The following RASSF3 variants were observed in gnomAD, a reference collection of about 807,000 sequenced individuals.
RASSF3 encodes the protein Ras association domain family member 3, also known as ras association domain-containing protein 3.
A neutral mutation model predicts 19.9 loss-of-function variants in RASSF3; 19 were observed. The ratio of observed to expected loss-of-function variants is 0.96; its 90% confidence interval spans 0.67 to 1.40. RASSF3 has a LOEUF of 1.40. RASSF3 is among the 40% of genes most tolerant of loss of function. The probability of loss-of-function intolerance (pLI) is 0.00; values close to 1 mark genes in which losing one functional copy is unlikely to be tolerated. For missense variants in RASSF3, 306 were observed against 289.8 expected, an observed-to-expected ratio of 1.06 and a Z score of -0.41; for synonymous variants, 110 against 104.2, an observed-to-expected ratio of 1.06 and a Z score of -0.34.
At chr12:64,671,397 ATCT>A (rs1200169378) in intron 1 of RASSF3, among the ~76,000 whole-genome samples, 3 of 151,882 alleles carry the variant, frequency 2.0e-5, no homozygotes, top group African/African-American at 7.3e-5. Context: ...GCCTCTTGTG[ATCT>A]TCTATGCATG....
intron 2 of RASSF3, among the ~76,000 whole-genome samples, chr12:64,548,187 T>G (rs1252495914): frequency 6.6e-6 from 1 of 152,074 alleles, no homozygotes; most frequent in Non-Finnish European, 1.5e-5. Context: ...TGTATTTTAT[T>G]TATTTATTTT....
chr12:64,524,357 G>A (rs1350719781), intron 1 of RASSF3, among the ~76,000 whole-genome samples: 1 of 151,772 alleles, frequency 6.6e-6, no homozygotes, highest in African/African-American at 2.4e-5. Context: ...AAAGTGCTAC[G>A]ATTATAGGCA....
chr12:64,626,405 T>A (rs1870992676), intron 1 of RASSF3, among the ~76,000 whole-genome samples: 1 of 150,532 alleles, frequency 6.6e-6, no homozygotes, highest in Admixed American at 6.6e-5. Context: ...ATGTGCTTGC[T>A]TGAACTTAGG....
downstream of RASSF3, among the ~76,000 whole-genome samples, chr12:64,544,051 G>A (rs1008804119): frequency 6.6e-6 from 1 of 152,098 alleles, no homozygotes; most frequent in African/African-American, 2.4e-5. Flanking sequence ...AATAAAGCAG[G>A]CTGCCAGAGC....
At position 64,695,243 on chromosome 12, in the gene RASSF3, G is replaced by A. The variant is rs1455772467; in HGVS notation, c.*331G>A. 1.4e-5 allele frequency: 3 copies of A among 214,506 alleles called. No homozygotes were observed. The highest frequency in any genetic ancestry group is 2.8e-5 in the Non-Finnish European group (3 of 108,020). The allele number at this position is 214,506 out of a possible 1,614,324, so 13.3% of individuals were successfully genotyped here. ...GTTATTTTAATTATGTGATGATGCT[G>A]TTAAGCTTACAGATATGCAGTTGAT... is the stretch of plus-strand genomic sequence containing the variant. On this transcript the variant is annotated 3_prime_UTR_variant, in exon 5 of 5. Coordinates refer to ENST00000542104, the MANE Select transcript of RASSF3 (RefSeq NM_178169.4).
chr12:64,566,292 T>C (rs571867908), intron 2 of RASSF3, among the ~76,000 whole-genome samples: 1 of 152,360 alleles, frequency 6.6e-6, no homozygotes, highest in South Asian at 2.1e-4. Context: ...TTTCTGCTTT[T>C]ATTCACCAAG....
At chr12:64,556,555 C>T (rs552509048) in intron 2 of RASSF3, among the ~76,000 whole-genome samples, 1 of 152,070 alleles carries the variant, frequency 6.6e-6, no homozygotes, top group East Asian at 1.9e-4. Flanking sequence ...CTCCTTGCTC[C>T]GTCAGGCTGG....
rs1592411307 is a variant in RASSF3 at position 64,593,332 on chromosome 12, CTG to C, written c.294+51628_294+51629del. On this transcript the variant is annotated intron_variant, in intron 2 of 5. Coordinates refer to the RASSF3 transcript ENST00000637125. ...CGCTTCTGGGGTTCAAGCAATTCTCCTGCCTCAGCCTCCCAAGTAGCTGGGAC... is the reference window on the plus strand; with the variant it reads ...CGCTTCTGGGGTTCAAGCAATTCTCCCCTCAGCCTCCCAAGTAGCTGGGAC... Among the ~76,000 whole-genome samples the C allele has an allele frequency of 2.6e-5, 4 of 152,272 alleles. No homozygotes were observed. In the East Asian group the frequency reaches 7.7e-4, roughly 29 times the overall value.
At chr12:64,593,565 G>A (rs578229193) in intron 2 of RASSF3, among the ~76,000 whole-genome samples, 2 of 152,146 alleles carry the variant, frequency 1.3e-5, no homozygotes, top group African/African-American at 2.4e-5. Context: ...ATGTAAACAG[G>A]TTCTTTCAAC....
In RASSF3 at chr12:64,597,385, C is replaced by T. The variant is rs561342561; in HGVS notation, c.294+55680C>T. On this transcript the variant is annotated intron_variant, in intron 2 of 5. Coordinates refer to the RASSF3 transcript ENST00000637125. The stretch of plus-strand genomic sequence containing the variant: ...TGACCTCGTGATCCACCTGCCTCAC[C>T]CTCCCAAAATGTTGGGATTACAGGC... Among the ~76,000 whole-genome samples, 5 of 152,146 alleles carry T rather than the reference C, an allele frequency of 3.3e-5. No homozygotes were observed. In the East Asian group the frequency reaches 7.7e-4, roughly 24 times the overall value.
chr12:64,630,836 C>G (rs941773135), intron 1 of RASSF3, among the ~76,000 whole-genome samples: 6 of 152,004 alleles, frequency 3.9e-5, no homozygotes, highest in Non-Finnish European at 8.8e-5. Flanking sequence ...AGCAAGCAGC[C>G]ACTCACCAAG....
chr12:64,696,599 T>G lies in RASSF3; in HGVS notation c.*1687T>G, dbSNP rs929397621. ...GCTTCAGTTCTTTGCCCAAGTGAACTGTGCCTTTTATTGCATTTCTGTTCG... is the reference window on the plus strand; with the variant it reads ...GCTTCAGTTCTTTGCCCAAGTGAACGGTGCCTTTTATTGCATTTCTGTTCG... On this transcript the variant is annotated 3_prime_UTR_variant, in exon 5 of 5. Transcript: ENST00000542104. 6.6e-6 allele frequency: 1 copy of G among 152,380 alleles called. No homozygotes were observed. The highest frequency in any genetic ancestry group is 2.1e-4 in the South Asian group (1 of 4,824). 9.4% of individuals were successfully genotyped at this position (152,380 alleles called of 1,614,324 possible).
At chr12:64,617,935 A>G (rs1346950143) in intron 1 of RASSF3, among the ~76,000 whole-genome samples, 1 of 152,160 alleles carries the variant, frequency 6.6e-6, no homozygotes. Flanking sequence ...AAACAATCAC[A>G]TTTCCTTATT....
At chr12:64,572,819 T>C (rs1255728586) in intron 2 of RASSF3, among the ~76,000 whole-genome samples, 1 of 152,218 alleles carries the variant, frequency 6.6e-6, no homozygotes, top group East Asian at 1.9e-4. Context: ...AAAGACAGAT[T>C]GAATGTGTCA....
At chr12:64,544,615 C>G (rs367758875), downstream of RASSF3, among the ~76,000 whole-genome samples, 4,167 of 116,920 alleles carry the variant, frequency 0.036, 196 homozygotes, top group African/African-American at 0.099. Flanking sequence ...GAGACCCTGT[C>G]TCAAAAAAAA....
chr12:64,585,296 C>A (rs1251396431), intron 2 of RASSF3, among the ~76,000 whole-genome samples: 1 of 152,188 alleles, frequency 6.6e-6, no homozygotes, highest in African/African-American at 2.4e-5. Flanking sequence ...GATCTAGCCA[C>A]CACGCCTGGC....
intron 1 of RASSF3, among the ~76,000 whole-genome samples, chr12:64,525,907 C>T (rs1205604679): frequency 1.4e-5 from 2 of 143,634 alleles, no homozygotes; most frequent in Non-Finnish European, 3.1e-5. Flanking sequence ...AGCACGTTAC[C>T]TCCGTCCCAA....
chr12:64,602,538 G>A (rs554537400), intron 2 of RASSF3, among the ~76,000 whole-genome samples: 2 of 149,124 alleles, frequency 1.3e-5, no homozygotes, highest in East Asian at 2.0e-4. Context: ...CTAAGATCAC[G>A]CCACTACACT....
intron 1 of RASSF3, among the ~76,000 whole-genome samples, chr12:64,511,468 C>A (rs1868327791): frequency 6.8e-6 from 1 of 146,894 alleles, no homozygotes. Flanking sequence ...GGCAATAGAG[C>A]AAGACTCTGT....
Sources: gnomAD v4.1 joint callset for allele counts (sites outside exome capture counted in the v4.1 genomes callset) on GRCh38, gnomAD v4.1.1 for gene constraint, MANE v1.5 for transcripts, NCBI Gene and HGNC (gene_info 2026-07-23, HGNC 2026-07-21) for gene names.